The following ABLIM1 variants were observed in gnomAD, a reference collection of about 807,000 sequenced individuals.
The protein encoded by ABLIM1 is actin-binding LIM protein 1.
In ABLIM1, 40 loss-of-function variants were observed where a neutral mutation model predicts 107.0. The observed-to-expected ratio is 0.37, with a 90% CI of 0.29 to 0.49. The LOEUF (loss-of-function observed/expected upper bound fraction) is 0.49, where lower values mean the gene tolerates loss of function less well. Ranked by LOEUF, ABLIM1 falls within the 20% of genes least tolerant of loss-of-function variation. The probability of loss-of-function intolerance (pLI) is 0.97; values close to 1 mark genes in which losing one functional copy is unlikely to be tolerated. For missense variants in ABLIM1, 857 were observed against 1,008.5 expected (o/e 0.85, Z 2.04); for synonymous variants, 357 against 357.3 (o/e 1.00, Z 0.01).
At chr10:114,788,338 AAAAAAAAAAAT>A in the ABLIM1 span, among the ~76,000 whole-genome samples, 559 of 130,008 alleles carry the variant, frequency 4.3e-3, 4 homozygotes, top group African/African-American at 0.018. Context: ...AAAAAATAAA[AAAAAAAAAAAT>A]AAATAAATAA....
At chr10:114,586,182 C>G (rs1044146459) in intron 2 of ABLIM1, among the ~76,000 whole-genome samples, 2 of 152,194 alleles carry the variant, frequency 1.3e-5, no homozygotes, top group Non-Finnish European at 2.9e-5. Context: ...CATCTTCCAA[C>G]TTCTCTAGTC....
At chr10:114,480,501 G>T (rs1436773674) in intron 8 of ABLIM1, among the ~76,000 whole-genome samples, 2 of 152,228 alleles carry the variant, frequency 1.3e-5, no homozygotes, top group African/African-American at 4.8e-5. Flanking sequence ...CGAAAGTGCA[G>T]TTGGAGAAAT....
intron 1 of ABLIM1, among the ~76,000 whole-genome samples, chr10:114,615,830 C>A (rs1023586545): frequency 4.1e-5 from 6 of 146,848 alleles, no homozygotes; most frequent in African/African-American, 1.0e-4. Flanking sequence ...AAAAAAAAAA[C>A]AGCTGAAGGA....
At chr10:114,631,752 G>T in intron 1 of ABLIM1, 1 of 757,658 alleles carries the variant, frequency 1.3e-6, no homozygotes, top group Non-Finnish European at 1.8e-6. Flanking sequence ...GTCTGGGTTC[G>T]ATGGAAACCC....
chr10:114,769,280 A>G (rs1474964665), upstream of ABLIM1, among the ~76,000 whole-genome samples: 1 of 150,180 alleles, frequency 6.7e-6, no homozygotes, highest in Non-Finnish European at 1.5e-5. Flanking sequence ...GAGGTGGAGG[A>G]TGCAGTGAGC....
intron 8 of ABLIM1, among the ~76,000 whole-genome samples, chr10:114,477,635 G>T (rs1051004571): frequency 2.6e-5 from 4 of 152,208 alleles, no homozygotes. Flanking sequence ...GTAGGGAAGG[G>T]TCTTTAACAG....
In ABLIM1 at chr10:114,707,728, C is replaced by T. The variant is rs540597583; in HGVS notation, c.-213+60333G>A. ...CAACCTGGACAACATGGTGAAAACA[C>T]GGTCTCTACTAAAAATACAAAAATT... is the stretch of plus-strand genomic sequence containing the variant. On this transcript the variant is annotated intron_variant, in intron 1 of 15. Coordinates refer to the ABLIM1 transcript ENST00000651092. The surrounding 1 kb of genome is among the most constrained non-coding windows in gnomAD (Gnocchi z 4.1). 7.9e-5 allele frequency among the ~76,000 whole-genome samples: 12 copies of T among 151,946 alleles called. No individual in the cohort carries two copies. The highest frequency in any genetic ancestry group is 1.2e-4 in the Non-Finnish European group (8 of 67,998).
At chr10:114,583,058 C>T (rs779916150) in intron 2 of ABLIM1, among the ~76,000 whole-genome samples, 62 of 151,978 alleles carry the variant, frequency 4.1e-4, no homozygotes, top group Non-Finnish European at 8.5e-4. Context: ...AACAAACTAT[C>T]AACAGAGTAA....
At chr10:114,767,114 G>A (rs1447579060) in intron 1 of ABLIM1, among the ~76,000 whole-genome samples, 5 of 108,442 alleles carry the variant, frequency 4.6e-5, no homozygotes, top group African/African-American at 8.0e-5. Context: ...ACTCTGAAAA[G>A]CAGCGCTTAA....
intron 4 of ABLIM1, among the ~76,000 whole-genome samples, chr10:114,559,481 A>G (rs572237411): frequency 6.6e-6 from 1 of 151,770 alleles, no homozygotes; most frequent in African/African-American, 2.4e-5. Context: ...GAAAAAAAGA[A>G]AAAAGAAAAA....
chr10:114,455,865 T>G (rs1379345300), intron 12 of ABLIM1, among the ~76,000 whole-genome samples: 1 of 148,896 alleles, frequency 6.7e-6, no homozygotes, highest in African/African-American at 2.5e-5. Context: ...CAGGCTGGAG[T>G]GCAGTGGCGC....
intron 8 of ABLIM1, among the ~76,000 whole-genome samples, chr10:114,487,621 C>G (rs953056473): frequency 6.6e-6 from 1 of 152,138 alleles, no homozygotes; most frequent in Non-Finnish European, 1.5e-5. Context: ...AGCACCAAAA[C>G]AGTCTGGTGA....
intron 2 of ABLIM1, among the ~76,000 whole-genome samples, chr10:114,582,347 A>G (rs1223539097): frequency 1.3e-5 from 2 of 152,172 alleles, no homozygotes; most frequent in Non-Finnish European, 2.9e-5. Context: ...AACACTGCTG[A>G]AAGAAATCAT....
intron 1 of ABLIM1, among the ~76,000 whole-genome samples, chr10:114,656,693 A>G (rs1463554107): frequency 1.3e-5 from 2 of 152,242 alleles, no homozygotes; most frequent in African/African-American, 2.4e-5. Context: ...CAGCTGGTGT[A>G]AGCAGAAACA....
intron 1 of ABLIM1, among the ~76,000 whole-genome samples, chr10:114,760,775 T>C (rs1591956123): frequency 6.6e-6 from 1 of 152,214 alleles, no homozygotes; most frequent in South Asian, 2.1e-4. Flanking sequence ...TGCTGAAACA[T>C]ATGACACTCC....
chr10:114,474,557 T>C (rs1034826603), intron 8 of ABLIM1, among the ~76,000 whole-genome samples: 9 of 152,082 alleles, frequency 5.9e-5, no homozygotes, highest in Non-Finnish European at 1.2e-4. Context: ...ATTTTTTGTA[T>C]TTTTAGTAGA....
chr10:114,555,044 T>C (rs1306589266), intron 4 of ABLIM1, among the ~76,000 whole-genome samples: 2 of 152,204 alleles, frequency 1.3e-5, no homozygotes, highest in Non-Finnish European at 2.9e-5. Flanking sequence ...AAACACTTGG[T>C]GTCTCTACTG....
chr10:114,452,540 A>G (rs1455667384), intron 13 of ABLIM1, among the ~76,000 whole-genome samples: 1 of 152,190 alleles, frequency 6.6e-6, no homozygotes, highest in African/African-American at 2.4e-5. Context: ...GAAGCAAAAG[A>G]AAAAAATGAT....
Position 114,739,413 on chromosome 10 carries a change from G to A in ABLIM1, c.-213+28648C>T, listed in dbSNP as rs115776694. Among the ~76,000 whole-genome samples the A allele has an allele frequency of 8.0e-3, 1,216 of 152,326 alleles. 11 individuals are homozygous for A. The highest frequency in any genetic ancestry group is 0.028 in the African/African-American group (1,176 of 41,580). On this transcript the variant is annotated intron_variant, in intron 1 of 15. Coordinates refer to the ABLIM1 transcript ENST00000651092. Reference sequence around the variant, plus strand: ...AGGCAGGACAGGGTTGGGAGAGGTAGAAGTAGAGGAAGTATGCTAATCTTT... The same window carrying A: ...AGGCAGGACAGGGTTGGGAGAGGTAAAAGTAGAGGAAGTATGCTAATCTTT...
Sources: allele counts gnomAD v4.1 joint callset (sites outside exome capture counted in the v4.1 genomes callset), GRCh38; gene constraint gnomAD v4.1.1; non-coding constraint Gnocchi (gnomAD v3.1); transcripts MANE v1.5; gene names NCBI Gene and HGNC (gene_info 2026-07-23, HGNC 2026-07-21).